Variants in FANCD2 observed in about 807,000 individuals in gnomAD.
FANCD2 encodes the protein FA complementation group D2, also known as Fanconi anemia group D2 protein.
Under a neutral mutation model 192.3 loss-of-function variants are expected in FANCD2, and 131 were observed. The observed-to-expected ratio is 0.68, with a 90% CI of 0.59 to 0.79. The LOEUF is 0.79. Among genes scored for constraint, FANCD2 ranks in the 30% least tolerant of loss-of-function variants. The pLI, the probability that FANCD2 is intolerant of heterozygous loss-of-function variation, is 0.00. For missense variants in FANCD2, 1,508 were observed against 1,701.6 expected, an observed-to-expected ratio of 0.89 and a Z score of 2.00; for synonymous variants, 524 against 612.5, an observed-to-expected ratio of 0.86 and a Z score of 2.13.
At chr3:10,095,870 G>C (rs1216144060) in intron 41 of FANCD2, among the ~76,000 whole-genome samples, 1 of 149,104 alleles carries the variant, frequency 6.7e-6, no homozygotes, top group Non-Finnish European at 1.5e-5. Context: ...ATAAGGTCCT[G>C]AACAGTGATT....
At chr3:10,036,906 G>A (rs1189285027) in intron 7 of FANCD2, among the ~76,000 whole-genome samples, 2 of 151,962 alleles carry the variant, frequency 1.3e-5, no homozygotes, top group Admixed American at 6.6e-5. Context: ...TACGATCATG[G>A]CTCACTGAGG....
chr3:10,088,873 GA>G lies in FANCD2; in HGVS notation c.3607del (p.Ile1203LeufsTer9). 3 of 1,614,134 alleles carry G rather than the reference GA, an allele frequency of 1.9e-6. No homozygotes were observed. The highest frequency in any genetic ancestry group is 2.5e-6 in the Non-Finnish European group (3 of 1,179,974). ...TESILKAIEE[I>X]AGVGVPELIN... ...AGAGCATTCTGAAGGCCATAGAGGA[GA>G]TTGCTGGTGTTGGTGTCCCAGAACT... is the stretch of plus-strand genomic sequence containing the variant. On this transcript the variant is annotated frameshift_variant, in exon 36 of 44. Coordinates refer to ENST00000675286, the MANE Select transcript of FANCD2 (RefSeq NM_001018115.3). LOFTEE classifies it high-confidence loss of function.
chr3:10,062,512 G>T lies in FANCD2; in HGVS notation c.1827+301G>T, dbSNP rs141497282. ...CTGCCTCGGCCTCCCAAAGTGCTGG[G>T]AGTACAGGCGTGAGCCACCTCGCCC... On this transcript the variant is annotated intron_variant, in intron 20 of 43. Transcript: ENST00000675286. 6.5e-3 allele frequency among the ~76,000 whole-genome samples: 988 copies of T among 152,226 alleles called. 3 individuals carry two copies. The highest frequency in any genetic ancestry group is 0.031 in the Middle Eastern group (9 of 294).
At chr3:10,057,978 C>A in intron 18 of FANCD2, 2 of 398,934 alleles carry the variant, frequency 5.0e-6, no homozygotes, top group Non-Finnish European at 4.9e-6. Context: ...AATTATTACT[C>A]ATTAGTAGCT....
chr3:10,060,326 C>T lies in FANCD2; in HGVS notation c.1689C>T (p.Leu563=), dbSNP rs1281020807. The T allele has an allele frequency of 5.6e-6, 9 of 1,612,874 alleles. No individual in the cohort carries two copies. Among genetic ancestry groups the T allele is most frequent in the South Asian group, 1.1e-5 (1 of 91,024 alleles). The change falls in exon 19 of 44, where the codon CTC becomes CTT. Residue 563 remains leucine, a synonymous_variant. Transcript: ENST00000675286. ...TGCACTTGGTGATAAGAAAGCAGCT[C>T]TCTAGCACCGTATTCAAGTACAAGC... ...DDMHLVIRKQ[L]SSTVFKYKLI...
chr3:10,042,768 C>T, intron 11 of FANCD2, 105 bp downstream of exon 11: 2 of 925,868 alleles, frequency 2.2e-6, no homozygotes, highest in South Asian at 2.6e-5. Flanking sequence ...GGATAGCATT[C>T]AGAGGAGAGA....
At chr3:10,082,778 C>T (rs1428346288) in intron 32 of FANCD2, among the ~76,000 whole-genome samples, 1 of 152,220 alleles carries the variant, frequency 6.6e-6, no homozygotes, top group East Asian at 1.9e-4. Flanking sequence ...AACTTAATCT[C>T]ATTTTATTAT....
At chr3:10,070,533 C>G (rs1383996183) in intron 26 of FANCD2, among the ~76,000 whole-genome samples, 2 of 118,562 alleles carry the variant, frequency 1.7e-5, no homozygotes, top group East Asian at 2.5e-4. Flanking sequence ...TCCGGCCAGC[C>G]GCCCCGTCCG....
At chr3:10,045,164 GTTTTGTTTTTGT>G (rs56931017) in intron 14 of FANCD2, among the ~76,000 whole-genome samples, 1 of 145,328 alleles carries the variant, frequency 6.9e-6, no homozygotes, top group South Asian at 2.2e-4. Flanking sequence ...TTTTTGTTTT[GTTTTGTTTTTGT>G]TTTTGTTTTT....
At chr3:10,086,032 T>C in intron 33 of FANCD2, 110 bp downstream of exon 33, 1 of 757,484 alleles carries the variant, frequency 1.3e-6, no homozygotes, top group Non-Finnish European at 2.4e-6. Flanking sequence ...GTAAAGGAAA[T>C]TATTTTCAGC....
intron 10 of FANCD2, 37 bp downstream of exon 10, chr3:10,041,747 T>C (rs2086868980): frequency 7.0e-7 from 1 of 1,431,752 alleles, no homozygotes; most frequent in Admixed American, 1.7e-5. Flanking sequence ...CAGAGCCAGC[T>C]TTCCAACCTC....
In FANCD2 at chr3:10,088,527, T is replaced by C; in HGVS notation, c.3545T>C (p.Leu1182Pro). Reference sequence around the variant, plus strand: ...AAGAGCAACATCTCTAATGACCAGCTCCATGCTCTGCTCTGGTGAGATGTT... The same window carrying C: ...AAGAGCAACATCTCTAATGACCAGCCCCATGCTCTGCTCTGGTGAGATGTT... ...KEKSNISNDQ[L>P]HALLCIYLEH... The change falls in exon 35 of 44, where the codon CTC (leucine) becomes CCC (proline). Residue 1182 changes from leucine (L) to proline (P), a missense_variant. Leu to Pro is a moderately conservative substitution (Grantham distance 98). This residue lies in a region of FANCD2 where 796 missense variants were observed against 879.4 expected (regional missense o/e 0.91). Transcript: ENST00000675286. 1 of 1,603,182 alleles carries C rather than the reference T, an allele frequency of 6.2e-7. No individual in the cohort carries two copies. Among genetic ancestry groups the C allele is most frequent in the Non-Finnish European group, 8.5e-7 (1 of 1,170,028 alleles).
chr3:10,073,582 C>T (rs1002707903), intron 28 of FANCD2, among the ~76,000 whole-genome samples: 19 of 152,176 alleles, frequency 1.2e-4, no homozygotes, highest in Non-Finnish European at 5.9e-5. Flanking sequence ...TAATTATTTT[C>T]TTGACTGTTT....
chr3:10,076,035 CTTT>C (rs138155691), intron 29 of FANCD2, among the ~76,000 whole-genome samples: 2 of 141,672 alleles, frequency 1.4e-5, no homozygotes, highest in Non-Finnish European at 3.1e-5. Context: ...CCAGCCATAT[CTTT>C]TTTTTTTTTT....
At chr3:10,044,940 G>A (rs1204924064) in intron 14 of FANCD2, among the ~76,000 whole-genome samples, 1 of 151,670 alleles carries the variant, frequency 6.6e-6, no homozygotes, top group Non-Finnish European at 1.5e-5. Flanking sequence ...AATATTTCAA[G>A]GTCTGCATTG....
intron 20 of FANCD2, among the ~76,000 whole-genome samples, 191 bp downstream of exon 20, chr3:10,062,402 G>A (rs1257171647): frequency 2.0e-5 from 3 of 151,202 alleles, no homozygotes; most frequent in Non-Finnish European, 4.4e-5. Flanking sequence ...CACCACACCC[G>A]GCTAATTTTT....
At position 10,060,394 on chromosome 3, in the gene FANCD2, C is replaced by T. The variant is rs377490218; in HGVS notation, c.1757C>T (p.Ala586Val). ...GCTGTGACCATGGCTGGCATCATGG[C>T]GGCAGACAGGTACACGTGGAGATTC... Reference protein sequence around the residue: ...IGAVTMAGIMAADRSESPSLT... With the variant: ...IGAVTMAGIMVADRSESPSLT... The change falls in exon 19 of 44, where the codon GCG becomes GTG. Residue 586 changes from alanine (A) to valine (V), a missense_variant. This residue lies in a region of FANCD2 where 110 missense variants were observed against 114.4 expected (regional missense o/e 0.96). Coordinates refer to ENST00000675286, the MANE Select transcript of FANCD2 (RefSeq NM_001018115.3). 157 of 1,612,922 alleles carry T rather than the reference C, an allele frequency of 9.7e-5. No individual in the cohort carries two copies. Among genetic ancestry groups the T allele is most frequent in the Non-Finnish European group, 1.2e-4 (142 of 1,179,076 alleles).
intron 30 of FANCD2, among the ~76,000 whole-genome samples, chr3:10,080,389 G>T (rs1382488100): frequency 2.0e-5 from 3 of 152,090 alleles, no homozygotes; most frequent in Admixed American, 6.5e-5. Flanking sequence ...ATGTGCCACC[G>T]CACTCAGCTA....
intron 42 of FANCD2, among the ~76,000 whole-genome samples, chr3:10,096,736 C>T (rs1016256463): frequency 1.3e-5 from 2 of 152,296 alleles, no homozygotes; most frequent in Middle Eastern, 3.4e-3. Context: ...CAGACCAGTA[C>T]AAACCTCTCT....
Sources: gnomAD v4.1 joint callset for allele counts (sites outside exome capture counted in the v4.1 genomes callset) on GRCh38, gnomAD v4.1.1 for gene constraint, gnomAD v4.1.1 regional missense constraint, MANE v1.5 for transcripts, NCBI Gene and HGNC (gene_info 2026-07-23, HGNC 2026-07-21) for gene names.